Variants in SRFBP1 observed in about 807,000 individuals in gnomAD.
SRFBP1 encodes serum response factor binding protein 1.
A neutral mutation model predicts 45.5 loss-of-function variants in SRFBP1; 47 were observed. The observed-to-expected ratio is 1.03, with a 90% confidence interval of 0.82 to 1.32. The LOEUF (loss-of-function observed/expected upper bound fraction) is 1.32, where lower values mean the gene tolerates loss of function less well. Among genes scored for constraint, SRFBP1 ranks in the 40% most tolerant of loss-of-function variants. The pLI, the probability that SRFBP1 is intolerant of heterozygous loss-of-function variation, is 0.00. For missense variants in SRFBP1, 621 were observed against 484.6 expected, an observed-to-expected ratio of 1.28 and a Z score of -2.64; for synonymous variants, 203 against 166.3, an observed-to-expected ratio of 1.22 and a Z score of -1.70.
chr5:122,024,483 C>CCTCT (rs757303044), intron 7 of SRFBP1, among the ~76,000 whole-genome samples: 24 of 152,122 alleles, frequency 1.6e-4, no homozygotes, highest in Non-Finnish European at 3.2e-4. Context: ...CTGTCTTGTG[C>CCTCT]CTCTTGCCTC....
intron 1 of SRFBP1, among the ~76,000 whole-genome samples, chr5:121,965,264 C>T (rs960423324): frequency 1.3e-5 from 2 of 152,084 alleles, no homozygotes; most frequent in African/African-American, 2.4e-5. Flanking sequence ...AGTCTTTGTC[C>T]ATGCCTCAGT....
At chr5:121,970,958 A>G (rs1462732422) in intron 1 of SRFBP1, among the ~76,000 whole-genome samples, 1 of 152,224 alleles carries the variant, frequency 6.6e-6, no homozygotes, top group African/African-American at 2.4e-5. Flanking sequence ...AAAAGACTTC[A>G]CAGAAATGAC....
chr5:121,980,169 G>C (rs991997520), intron 3 of SRFBP1, among the ~76,000 whole-genome samples: 1 of 152,024 alleles, frequency 6.6e-6, no homozygotes, highest in African/African-American at 2.4e-5. Flanking sequence ...CCTTTCTTTT[G>C]TGTTTCATAA....
chr5:122,045,112 A>G (rs1250212406), intron 2 of SRFBP1, among the ~76,000 whole-genome samples: 1 of 152,114 alleles, frequency 6.6e-6, no homozygotes, highest in Admixed American at 6.6e-5. Context: ...TTATGAACAG[A>G]GAGTCCTATC....
chr5:122,025,771 C>T (rs766033828), intron 7 of SRFBP1, among the ~76,000 whole-genome samples: 14 of 152,094 alleles, frequency 9.2e-5, no homozygotes, highest in Admixed American at 2.6e-4. Flanking sequence ...GTTTATATAA[C>T]ATTTTTACAT....
downstream of SRFBP1, among the ~76,000 whole-genome samples, chr5:122,033,463 A>C (rs1038049949): frequency 8.6e-5 from 13 of 151,396 alleles, no homozygotes; most frequent in African/African-American, 2.4e-4. Flanking sequence ...TTCATCCAAT[A>C]TCAGTATTGT....
chr5:121,967,481 A>G (rs1351711497), intron 1 of SRFBP1, among the ~76,000 whole-genome samples: 1 of 152,182 alleles, frequency 6.6e-6, no homozygotes, highest in African/African-American at 2.4e-5. Flanking sequence ...ATCAGAAATA[A>G]AAAGTAAAAT....
chr5:121,971,438 C>T (rs533219566), intron 1 of SRFBP1, among the ~76,000 whole-genome samples: 1 of 151,726 alleles, frequency 6.6e-6, no homozygotes, highest in African/African-American at 2.4e-5. Flanking sequence ...AAATATGAAA[C>T]CCCCCCTCCC....
intron 1 of SRFBP1, among the ~76,000 whole-genome samples, chr5:121,973,759 G>T (rs1752248270): frequency 2.0e-5 from 3 of 151,692 alleles, no homozygotes; most frequent in Admixed American, 2.0e-4. Flanking sequence ...AAAATAAATT[G>T]CTAATTAAAA....
intron 4 of SRFBP1, among the ~76,000 whole-genome samples, chr5:122,001,053 C>T (rs1752855319): frequency 6.6e-6 from 1 of 151,932 alleles, no homozygotes; most frequent in African/African-American, 2.4e-5. Flanking sequence ...ATTAAAGGTC[C>T]CTTCTCCAAG....
chr5:122,026,870 A>G (rs2112715988), intron 7 of SRFBP1, 72 bp from the exon 8 acceptor site: 1 of 1,065,228 alleles, frequency 9.4e-7, no homozygotes. Context: ...TTGGTTTGAA[A>G]AAGATGAAAT....
rs184504229 is a variant in SRFBP1 at position 122,006,027 on chromosome 5, G to C, written c.270+11357G>C. On this transcript the variant is annotated intron_variant, in intron 4 of 7. Transcript: ENST00000339397. ...CATTTATTTTAGTGTTAAAATTAGTGTTCTTTTCTTTCAACTCAAAGAACT... is the reference window on the plus strand; with the variant it reads ...CATTTATTTTAGTGTTAAAATTAGTCTTCTTTTCTTTCAACTCAAAGAACT... 1.1e-4 allele frequency among the ~76,000 whole-genome samples: 17 copies of C among 152,164 alleles called. No homozygotes were observed. The East Asian group carries it at 1.2e-3, about 10-fold the overall frequency.
intron 2 of SRFBP1, among the ~76,000 whole-genome samples, chr5:122,036,184 G>C (rs551969129): frequency 6.6e-6 from 1 of 152,134 alleles, no homozygotes; most frequent in Non-Finnish European, 1.5e-5. Flanking sequence ...GAGCATTTTT[G>C]TATGCATAAG....
At chr5:122,046,200 C>CT (rs1753854275) in intron 2 of SRFBP1, among the ~76,000 whole-genome samples, 1 of 152,076 alleles carries the variant, frequency 6.6e-6, no homozygotes, top group Non-Finnish European at 1.5e-5. Flanking sequence ...CTCCACCCCC[C>CT]CTCACCCCAC....
At chr5:122,078,075 T>A (rs1754696339), downstream of SRFBP1, 1 of 1,271,686 alleles carries the variant, frequency 7.9e-7, no homozygotes, top group Admixed American at 3.6e-5. Context: ...GAAGGAGAAA[T>A]CTTCAACCAA....
At position 122,020,353 on chromosome 5, in the gene SRFBP1, G is replaced by T; in HGVS notation, c.618G>T (p.Lys206Asn). ...KAVTIANSPS[K>N]PSEKDSVVSL... ...TGACTATTGCAAATTCTCCATCAAAGCCTTCAGAAAAGGATTCTGTAGTTT... is the reference window on the plus strand; with the variant it reads ...TGACTATTGCAAATTCTCCATCAAATCCTTCAGAAAAGGATTCTGTAGTTT... Residue 206 changes from lysine (K) to asparagine (N), a missense_variant, in exon 6 of 8, where the codon AAG becomes AAT. Physicochemically the swap from Lys to Asn is moderately conservative, Grantham distance 94. Transcript: ENST00000339397. 1.2e-6 allele frequency: 2 copies of T among 1,614,012 alleles called. No individual in the cohort carries two copies. The highest frequency in any genetic ancestry group is 1.3e-5 in the African/African-American group (1 of 75,030).
At chr5:122,054,741 T>C (rs1378536197) in intron 2 of SRFBP1, among the ~76,000 whole-genome samples, 2 of 152,228 alleles carry the variant, frequency 1.3e-5, no homozygotes, top group Admixed American at 1.3e-4. Flanking sequence ...TTATGTTTCT[T>C]AGATTTTATT....
chr5:122,060,094 G>A (rs148957433), intron 2 of SRFBP1, among the ~76,000 whole-genome samples: 17 of 152,146 alleles, frequency 1.1e-4, no homozygotes, highest in African/African-American at 2.4e-4. Flanking sequence ...CACAGAAGAC[G>A]AGGTGGGAAT....
At chr5:122,036,893 G>GT (rs537018868) in intron 2 of SRFBP1, among the ~76,000 whole-genome samples, 1,661 of 139,188 alleles carry the variant, frequency 0.012, 12 homozygotes, top group African/African-American at 0.013. Context: ...ACTCCTGTGA[G>GT]TTTTTTTTTT....
Sources: gnomAD v4.1 joint callset for allele counts (sites outside exome capture counted in the v4.1 genomes callset) on GRCh38, gnomAD v4.1.1 for gene constraint, MANE v1.5 for transcripts, NCBI Gene and HGNC (gene_info 2026-07-23, HGNC 2026-07-21) for gene names.